Variants in GOT1 observed in about 807,000 individuals in gnomAD.
The protein encoded by GOT1 is glutamic-oxaloacetic transaminase 1.
In GOT1, 25 loss-of-function variants were observed where a neutral mutation model predicts 48.2. The observed-to-expected ratio is 0.52, with a 90% CI of 0.38 to 0.72. GOT1 has a LOEUF of 0.72. Ranked by LOEUF, GOT1 falls within the 30% of genes least tolerant of loss-of-function variation. The pLI is 0.00. For missense variants in GOT1, 380 were observed against 520.1 expected, an observed-to-expected ratio of 0.73 and a Z score of 2.62; for synonymous variants, 188 against 193.8, an observed-to-expected ratio of 0.97 and a Z score of 0.25.
chr10:99,403,428 C>T, intron 7 of GOT1, 41 bp downstream of exon 7: 5 of 1,531,176 alleles, frequency 3.3e-6, no homozygotes, highest in Non-Finnish European at 4.5e-6. Flanking sequence ...TACTGTTCTG[C>T]ACTCCCCACC....
chr10:99,406,688 GTT>G lies in GOT1; in HGVS notation c.424+36_424+37del, dbSNP rs755216949. 22 of 1,600,430 alleles carry G rather than the reference GTT, an allele frequency of 1.4e-5. 1 individual carries two copies. The highest frequency in any genetic ancestry group is 1.2e-4 in the South Asian group (11 of 90,612). Reference sequence around the variant, plus strand: ...AGAGTCATGAGGATAATTCTCTCTGGTTTCTGTTTTTCCTCTCACTTCAGCTG... The same window carrying G: ...AGAGTCATGAGGATAATTCTCTCTGGTCTGTTTTTCCTCTCACTTCAGCTG... On this transcript the variant is annotated intron_variant, in intron 3 of 8. Coordinates refer to ENST00000370508, the MANE Select transcript of GOT1 (RefSeq NM_002079.3).
At chr10:99,413,773 G>A (rs535288890) in intron 2 of GOT1, among the ~76,000 whole-genome samples, 159 of 152,294 alleles carry the variant, frequency 1.0e-3, no homozygotes, top group African/African-American at 3.6e-3. Context: ...AGAAGAGAGT[G>A]GGGGCCAATA....
At chr10:99,417,130 G>C (rs1192585671) in intron 2 of GOT1, among the ~76,000 whole-genome samples, 1 of 152,206 alleles carries the variant, frequency 6.6e-6, no homozygotes, top group East Asian at 1.9e-4. Context: ...ACTACCATCA[G>C]AGTGAACAGG....
chr10:99,429,033 C>T (rs895668004), intron 1 of GOT1, among the ~76,000 whole-genome samples: 4 of 152,090 alleles, frequency 2.6e-5, no homozygotes, highest in African/African-American at 9.7e-5. Context: ...CTTACCCCTC[C>T]CCATACTCCT....
intron 1 of GOT1, among the ~76,000 whole-genome samples, chr10:99,421,290 C>A (rs1197713133): frequency 6.6e-6 from 1 of 152,170 alleles, no homozygotes; most frequent in South Asian, 2.1e-4. Flanking sequence ...ACCTTTAACA[C>A]AAACATGGAG....
intron 1 of GOT1, among the ~76,000 whole-genome samples, chr10:99,425,831 T>G (rs1428727915): frequency 6.6e-6 from 1 of 152,132 alleles, no homozygotes. Flanking sequence ...TTGTAGGATG[T>G]GTCCACTGTA....
intron 5 of GOT1, among the ~76,000 whole-genome samples, chr10:99,405,377 A>G (rs10748775): frequency 0.91 from 138,877 of 152,212 alleles, 63,397 homozygotes; most frequent in Admixed American, 0.94. Context: ...TCCATGAAAG[A>G]AATATAATAT....
At chr10:99,409,071 T>C (rs553757538) in intron 2 of GOT1, among the ~76,000 whole-genome samples, 1 of 152,160 alleles carries the variant, frequency 6.6e-6, no homozygotes, top group Non-Finnish European at 1.5e-5. Flanking sequence ...TTCTTTATAC[T>C]GTTTTCTCTA....
intron 1 of GOT1, chr10:99,430,241 A>C (rs1201991535): frequency 4.8e-6 from 7 of 1,450,654 alleles, no homozygotes; most frequent in African/African-American, 1.4e-5. Flanking sequence ...GCGGCCTCGG[A>C]CACATCGCCC....
chr10:99,408,875 G>A (rs901013727), intron 2 of GOT1, among the ~76,000 whole-genome samples: 5 of 152,106 alleles, frequency 3.3e-5, no homozygotes, highest in Non-Finnish European at 7.4e-5. Flanking sequence ...ATGTATTCAT[G>A]TATTAGTCAT....
chr10:99,418,168 AT>A (rs2032921968), intron 2 of GOT1, among the ~76,000 whole-genome samples: 1 of 152,016 alleles, frequency 6.6e-6, no homozygotes, highest in Non-Finnish European at 1.5e-5. Flanking sequence ...ATCTTCAAAT[AT>A]TTGCTGCCAT....
rs942696801 is a variant in GOT1 at position 99,396,974 on chromosome 10, G to A, written c.*573C>T. ...CGCACATCACGAGTAAATACTGTTT[G>A]GTAAAACTTGTTTCAGTTAAATATG... is the stretch of plus-strand genomic sequence containing the variant. On this transcript the variant is annotated 3_prime_UTR_variant, in exon 9 of 9. Transcript: ENST00000370508. The A allele has an allele frequency of 6.5e-6, 1 of 152,958 alleles. No individual in the cohort carries two copies. Among genetic ancestry groups the A allele is most frequent in the African/African-American group, 2.4e-5 (1 of 41,412 alleles). The allele number at this position is 152,958 out of a possible 1,614,324, so 9.5% of individuals were successfully genotyped here. A position where few individuals can be genotyped will look rare whatever the true frequency, so the allele number is the denominator to read the frequency against.
chr10:99,409,167 C>A (rs2032798955), intron 2 of GOT1, among the ~76,000 whole-genome samples: 3 of 151,552 alleles, frequency 2.0e-5, no homozygotes, highest in Admixed American at 2.0e-4. Context: ...GAGTCTCGCT[C>A]TGTTGCCCAG....
At chr10:99,398,784 C>CT (rs1564967690) in intron 8 of GOT1, among the ~76,000 whole-genome samples, 1 of 152,152 alleles carries the variant, frequency 6.6e-6, no homozygotes, top group Non-Finnish European at 1.5e-5. Context: ...GGAGTAAACA[C>CT]TATGTGCCAG....
chr10:99,429,411 G>A (rs1317234472), intron 1 of GOT1, among the ~76,000 whole-genome samples: 2 of 149,990 alleles, frequency 1.3e-5, no homozygotes, highest in African/African-American at 4.9e-5. Flanking sequence ...TGAGAAACCT[G>A]ATTCTGAGCG....
intron 8 of GOT1, among the ~76,000 whole-genome samples, chr10:99,399,362 G>A (rs966228467): frequency 6.6e-6 from 1 of 152,184 alleles, no homozygotes; most frequent in African/African-American, 2.4e-5. Context: ...GCCATAATCT[G>A]TTCTGGCAAG....
rs760171928 is a variant in GOT1, at chr10:99,403,520, C to T, written c.908G>A (p.Gly303Glu). Residue 303 changes from glycine (G) to glutamate (E), a missense_variant, in exon 7 of 9, where the codon GGA becomes GAA. By Grantham distance (98) the Gly-to-Glu change is moderately conservative. Transcript: ENST00000370508. ...RITWSNPPAQGARIVASTLSN... is the reference protein window; with the variant it reads ...RITWSNPPAQEARIVASTLSN... ...GAGGGTGCTGGCCACAATTCGTGCT[C>T]CCTGGGCGGGGGGATTGGACCAAGT... 9.9e-6 allele frequency: 16 copies of T among 1,613,902 alleles called. No homozygotes were observed. The highest frequency in any genetic ancestry group is 1.3e-5 in the African/African-American group (1 of 74,862).
intron 2 of GOT1, among the ~76,000 whole-genome samples, chr10:99,416,575 G>A (rs181044789): frequency 4.6e-4 from 70 of 152,168 alleles, no homozygotes; most frequent in African/African-American, 1.2e-3. Flanking sequence ...CTTTCTTCAC[G>A]GAATTGGGAA....
intron 1 of GOT1, among the ~76,000 whole-genome samples, chr10:99,430,018 A>G (rs1272840894): frequency 1.3e-5 from 2 of 152,216 alleles, no homozygotes; most frequent in East Asian, 1.9e-4. Flanking sequence ...TCACTCAAAT[A>G]TTTACCGACT....
Sources: gnomAD v4.1 joint callset for allele counts (sites outside exome capture counted in the v4.1 genomes callset) on GRCh38, gnomAD v4.1.1 for gene constraint, MANE v1.5 for transcripts, NCBI Gene and HGNC (gene_info 2026-07-23, HGNC 2026-07-21) for gene names.